The following CD47 variants were observed in gnomAD, a reference collection of about 807,000 sequenced individuals.
The protein encoded by CD47 is leukocyte surface antigen CD47.
Under a neutral mutation model 44.6 loss-of-function variants are expected in CD47, and 11 were observed. That is an observed-to-expected ratio of 0.25 (90% confidence interval 0.16 to 0.41). The LOEUF (loss-of-function observed/expected upper bound fraction) is 0.41. CD47 is among the 10% of genes least tolerant of loss of function. The pLI is 1.00. For missense variants in CD47, 306 were observed against 386.7 expected (o/e 0.79, Z 1.75); for synonymous variants, 140 against 136.3 (o/e 1.03, Z -0.19).
rs1443882148 is a variant in CD47 at position 108,046,486 on chromosome 3, T to C, written c.*802A>G. 1 of 152,684 alleles carries C rather than the reference T, an allele frequency of 6.5e-6. No individual in the cohort carries two copies. The highest frequency in any genetic ancestry group is 1.9e-4 in the East Asian group (1 of 5,204). The allele number at this position is 152,684 out of a possible 1,614,324, so 9.5% of individuals were successfully genotyped here. A position where few individuals can be genotyped will look rare whatever the true frequency, so the allele number is the denominator to read the frequency against. Reference sequence around the variant, plus strand: ...CTCCTTCCTGCAACTGGTGCTACCGTGTCACTAGACCATGTTCAAAGAGGA... The same window carrying C: ...CTCCTTCCTGCAACTGGTGCTACCGCGTCACTAGACCATGTTCAAAGAGGA... On this transcript the variant is annotated 3_prime_UTR_variant, in exon 11 of 11. Transcript: ENST00000361309.
intron 1 of CD47, among the ~76,000 whole-genome samples, chr3:108,084,893 C>G (rs182491534): frequency 6.6e-6 from 1 of 152,170 alleles, no homozygotes; most frequent in African/African-American, 2.4e-5. Flanking sequence ...ACCCTTCTAA[C>G]CAGCTCCCTG....
chr3:108,079,245 C>T (rs531835599), intron 2 of CD47, among the ~76,000 whole-genome samples: 1 of 151,958 alleles, frequency 6.6e-6, no homozygotes, highest in Admixed American at 6.6e-5. Context: ...GGTTGAAGAA[C>T]TCAGCTAGCA....
rs969325274 is a variant in CD47 at position 108,080,129 on chromosome 3, C to T, written c.262G>A (p.Val88Ile). The T allele has an allele frequency of 1.2e-6, 2 of 1,612,984 alleles. No individual in the cohort carries two copies. The highest frequency in any genetic ancestry group is 1.7e-6 in the Non-Finnish European group (2 of 1,179,098). ...PTDFSSAKIE[V>I]SQLLKGDASL... The stretch of plus-strand genomic sequence containing the variant: ...GCATCTCCTTTTAGTAATTGTGAGA[C>T]TTCAATTTTTGCACTACTAAAGTCA... The change falls in exon 2 of 11, where the codon GTC becomes ATC. Residue 88 changes from valine to isoleucine, a missense_variant. By Grantham distance (29) the Val-to-Ile change is conservative (BLOSUM62 3). Coordinates refer to ENST00000361309, the MANE Select transcript of CD47 (RefSeq NM_001777.4).
intron 5 of CD47, 111 bp downstream of exon 5, chr3:108,059,341 T>A (rs1410224830): frequency 1.4e-5 from 7 of 484,132 alleles, no homozygotes; most frequent in African/African-American, 1.4e-4. Flanking sequence ...AATCTTTTAA[T>A]AAACCTACTC....
chr3:108,060,982 T>C, intron 3 of CD47, 130 bp from the exon 4 acceptor site: 1 of 612,344 alleles, frequency 1.6e-6, no homozygotes, highest in East Asian at 2.8e-5. Context: ...AACTCCTTAA[T>C]ATCATCAAGT....
At chr3:108,086,464 G>A (rs2079522996) in intron 1 of CD47, among the ~76,000 whole-genome samples, 1 of 152,150 alleles carries the variant, frequency 6.6e-6, no homozygotes, top group African/African-American at 2.4e-5. Flanking sequence ...AAAATAGTAT[G>A]TGTAGCTAGT....
Position 108,077,993 on chromosome 3 carries a change from G to A in CD47, c.400+1998C>T, listed in dbSNP as rs117735672. On this transcript the variant is annotated intron_variant, in intron 2 of 10. Transcript: ENST00000361309. ...ATGTCCTGATTGTGTAGGTAGTTAC[G>A]CAAATAAACACGTGATAAAATGAGA... is the stretch of plus-strand genomic sequence containing the variant. Among the ~76,000 whole-genome samples, 149 of 152,018 alleles carry A rather than the reference G, an allele frequency of 9.8e-4. 4 individuals are homozygous for A. The East Asian group carries it at 0.023, about 23-fold the overall frequency.
chr3:108,079,753 C>A (rs78089130), intron 2 of CD47, among the ~76,000 whole-genome samples: 5,737 of 151,740 alleles, frequency 0.038, 128 homozygotes, highest in African/African-American at 0.064. Flanking sequence ...GAGAACCACA[C>A]AATATACAAA....
chr3:108,074,823 C>T (rs1244597484), intron 2 of CD47, among the ~76,000 whole-genome samples: 1 of 152,004 alleles, frequency 6.6e-6, no homozygotes, highest in African/African-American at 2.4e-5. Flanking sequence ...CATGTTCCTC[C>T]TCTCTCTAAT....
intron 2 of CD47, among the ~76,000 whole-genome samples, chr3:108,078,660 A>AATAGTAATTACACCCTTCATT (rs2079356622): frequency 6.6e-6 from 1 of 152,064 alleles, no homozygotes; most frequent in Admixed American, 6.6e-5. Context: ...TATCAATAGT[A>AATAGTAATTACACCCTTCATT]AAAGCTACAA....
chr3:108,088,974 A>G (rs1407490685), intron 1 of CD47, among the ~76,000 whole-genome samples: 1 of 152,202 alleles, frequency 6.6e-6, no homozygotes, highest in Admixed American at 6.5e-5. Context: ...TGAAAGCAAA[A>G]TCAAACTTCA....
intron 10 of CD47, among the ~76,000 whole-genome samples, chr3:108,049,284 T>C (rs2078781018): frequency 6.6e-6 from 1 of 152,192 alleles, no homozygotes; most frequent in Admixed American, 6.5e-5. Flanking sequence ...ATGATAAAGA[T>C]TTGTGCCAGA....
chr3:108,066,089 T>A (rs2079101871), intron 3 of CD47, among the ~76,000 whole-genome samples: 1 of 152,152 alleles, frequency 6.6e-6, no homozygotes, highest in Admixed American at 6.5e-5. Context: ...TAAGCTGTCC[T>A]CAAGTCAAAA....
chr3:108,055,635 T>A lies in CD47; in HGVS notation c.877+1842A>T, dbSNP rs558152205. On this transcript the variant is annotated intron_variant, in intron 7 of 10. Transcript: ENST00000361309. ...ATCAATAAAATTAGGACACTATCAA[T>A]AAAATTGCACTAAATTTTAAACATA... The A allele has an allele frequency of 1.4e-4, 123 of 851,730 alleles. 1 individual carries two copies. In the South Asian group the frequency reaches 1.5e-3, roughly 10 times the overall value. The allele number at this position is 851,730 out of a possible 1,614,324, so 52.8% of individuals were successfully genotyped here. A position where few individuals can be genotyped will look rare whatever the true frequency, so the allele number is the denominator to read the frequency against.
rs1179522530 is a variant in CD47, at chr3:108,044,955, A to G, written c.*2333T>C. 6.6e-6 allele frequency: 1 copy of G among 152,654 alleles called. No individual in the cohort carries two copies. The highest frequency in any genetic ancestry group is 6.5e-5 in the Admixed American group (1 of 15,290). 9.5% of individuals were successfully genotyped at this position (152,654 alleles called of 1,614,324 possible). ...GTGCAAAACACTGTCTGCAATTTAA[A>G]TGTGATGTGATGGAATTTGGGAGCC... On this transcript the variant is annotated 3_prime_UTR_variant, in exon 11 of 11. Transcript: ENST00000361309.
intron 1 of CD47, among the ~76,000 whole-genome samples, chr3:108,086,999 G>A (rs2079533731): frequency 6.6e-6 from 1 of 152,088 alleles, no homozygotes; most frequent in African/African-American, 2.4e-5. Flanking sequence ...TAGTAATGGT[G>A]GGAGGGAAGC....
intron 3 of CD47, among the ~76,000 whole-genome samples, chr3:108,062,171 C>A (rs942023941): frequency 6.6e-6 from 1 of 152,110 alleles, no homozygotes; most frequent in Non-Finnish European, 1.5e-5. Flanking sequence ...CAGAAAACAT[C>A]CTATGGCAAG....
Position 108,057,668 on chromosome 3 carries a change from C to T in CD47, c.785-99G>A. 3.4e-6 allele frequency: 2 copies of T among 596,650 alleles called. 1 individual carries two copies. 37.0% of individuals were successfully genotyped at this position (596,650 alleles called of 1,614,324 possible). A position where few individuals can be genotyped will look rare whatever the true frequency, so the allele number is the denominator to read the frequency against. On this transcript the variant is annotated intron_variant, in intron 6 of 10. Transcript: ENST00000361309. The stretch of plus-strand genomic sequence containing the variant: ...GTTTTAAGAGAGTTATTCTAACGAT[C>T]AAAAAACAAAAATTATCCATATATG...
intron 3 of CD47, among the ~76,000 whole-genome samples, chr3:108,063,035 G>T (rs535396769): frequency 1.3e-5 from 2 of 152,052 alleles, no homozygotes; most frequent in South Asian, 2.1e-4. Flanking sequence ...GCTGTTATAG[G>T]AGAAAACAGT....
Sources: allele counts gnomAD v4.1 joint callset (sites outside exome capture counted in the v4.1 genomes callset), GRCh38; gene constraint gnomAD v4.1.1; transcripts MANE v1.5; gene names NCBI Gene and HGNC (gene_info 2026-07-23, HGNC 2026-07-21).